IL1RAPL1: variants seen among roughly 807,000 people sequenced by gnomAD.
The protein encoded by IL1RAPL1 is interleukin-1 receptor accessory protein-like 1.
A neutral mutation model predicts 48.4 loss-of-function variants in IL1RAPL1; 3 were observed. The ratio of observed to expected loss-of-function variants is 0.06; its 90% CI spans 0.03 to 0.16. The LOEUF is 0.16. IL1RAPL1 is among the 10% of genes least tolerant of loss of function. The pLI, the probability that IL1RAPL1 is intolerant of heterozygous loss-of-function variation, is 1.00. For missense variants in IL1RAPL1, 349 were observed against 530.6 expected, an observed-to-expected ratio of 0.66 and a Z score of 3.36; for synonymous variants, 185 against 187.7, an observed-to-expected ratio of 0.99 and a Z score of 0.12.
At chrX:28,993,358 G>A (rs977927271) in intron 2 of IL1RAPL1, among the ~76,000 whole-genome samples, 6 of 111,777 alleles carry the variant, frequency 5.4e-5, no homozygotes, top group Admixed American at 9.6e-5. Context: ...CGCAATGACC[G>A]GTGAAGGAGC....
chrX:28,790,069 A>C (rs1192517601), intron 2 of IL1RAPL1, among the ~76,000 whole-genome samples: 7 of 112,226 alleles, frequency 6.2e-5, no homozygotes. Flanking sequence ...CAATTGAATA[A>C]ATACCATTAT....
At position 29,067,352 on chromosome X, in the gene IL1RAPL1, C is replaced by G. The variant is rs182335083; in HGVS notation, c.83-215586C>G. Among the ~76,000 whole-genome samples the G allele has an allele frequency of 3.9e-3, 437 of 112,270 alleles. 2 individuals are homozygous for G. Among genetic ancestry groups the G allele is most frequent in the African/African-American group, 0.013 (416 of 30,940 alleles). ...ACTGAGAAATAGCAAACTCTCAAAACAAAACATTAATGTGTTGGTGAAATG... is the reference window on the plus strand; with the variant it reads ...ACTGAGAAATAGCAAACTCTCAAAAGAAAACATTAATGTGTTGGTGAAATG... On this transcript the variant is annotated intron_variant, in intron 2 of 10. Coordinates refer to ENST00000378993, the MANE Select transcript of IL1RAPL1 (RefSeq NM_014271.4).
At chrX:28,723,805 A>T (rs866377158) in intron 1 of IL1RAPL1, among the ~76,000 whole-genome samples, 2 of 111,693 alleles carry the variant, frequency 1.8e-5, no homozygotes, top group Non-Finnish European at 3.8e-5. Flanking sequence ...CTTTGTTCTC[A>T]TTGGTTTCAA....
chrX:29,902,352 A>G, intron 6 of IL1RAPL1, among the ~76,000 whole-genome samples: 1 of 110,960 alleles, frequency 9.0e-6, no homozygotes, highest in Non-Finnish European at 1.9e-5. Context: ...GGTAGAAAAC[A>G]GCCATCAAGA....
At chrX:29,571,384 T>A (rs923043640) in intron 5 of IL1RAPL1, among the ~76,000 whole-genome samples, 1 of 111,443 alleles carries the variant, frequency 9.0e-6, no homozygotes, top group African/African-American at 3.3e-5. Flanking sequence ...ATAAACCTAA[T>A]GCCCTTTAGC....
intron 5 of IL1RAPL1, among the ~76,000 whole-genome samples, chrX:29,438,026 G>T (rs1934501623): frequency 9.0e-6 from 1 of 110,673 alleles, no homozygotes; most frequent in Non-Finnish European, 1.9e-5. Flanking sequence ...TTTTTTTGGA[G>T]TAGTGTTTTA....
At chrX:29,304,896 C>A (rs1932594524) in intron 3 of IL1RAPL1, among the ~76,000 whole-genome samples, 1 of 112,288 alleles carries the variant, frequency 8.9e-6, no homozygotes, top group Non-Finnish European at 1.9e-5. Flanking sequence ...TCAGGGCATG[C>A]ATGTGTACAA....
intron 2 of IL1RAPL1, among the ~76,000 whole-genome samples, chrX:28,933,199 A>G (rs1318580171): frequency 9.0e-6 from 1 of 111,667 alleles, no homozygotes; most frequent in African/African-American, 3.3e-5. Context: ...TTGGATTTAT[A>G]CATTTTAATT....
intron 5 of IL1RAPL1, among the ~76,000 whole-genome samples, chrX:29,656,127 CAGTT>C (rs1287797392): frequency 2.7e-5 from 3 of 112,376 alleles, no homozygotes; most frequent in Admixed American, 9.4e-5. Context: ...TATTTATTGA[CAGTT>C]ACCAAAAAAA....
chrX:28,591,316 T>C (rs1933905359), intron 1 of IL1RAPL1, among the ~76,000 whole-genome samples: 1 of 112,292 alleles, frequency 8.9e-6, no homozygotes, highest in Non-Finnish European at 1.9e-5. Context: ...GTTTGCAACA[T>C]ATGTGAACAA....
At chrX:29,608,306 A>G (rs9969869) in intron 5 of IL1RAPL1, among the ~76,000 whole-genome samples, 42,418 of 109,227 alleles carry the variant, frequency 0.39, 6,375 homozygotes, top group South Asian at 0.56. Flanking sequence ...AGGGAAGCCC[A>G]TTGCTTTAGC....
chrX:28,731,420 C>T (rs1338089935), intron 1 of IL1RAPL1, among the ~76,000 whole-genome samples: 1 of 111,740 alleles, frequency 8.9e-6, no homozygotes, highest in East Asian at 2.8e-4. Flanking sequence ...ATGATAACTT[C>T]TCCCCACTTT....
chrX:29,195,707 G>A (rs1930430416), intron 2 of IL1RAPL1, among the ~76,000 whole-genome samples: 1 of 109,150 alleles, frequency 9.2e-6, no homozygotes, highest in African/African-American at 3.3e-5. Context: ...TTACAGACAT[G>A]CGCTACCACG....
intron 3 of IL1RAPL1, among the ~76,000 whole-genome samples, chrX:29,294,023 G>A (rs911964865): frequency 1.3e-4 from 14 of 107,767 alleles, no homozygotes; most frequent in African/African-American, 3.4e-4. Flanking sequence ...CTAATTTTGT[G>A]TGTGGTCCTA....
chrX:29,799,020 G>C (rs1381106846), intron 6 of IL1RAPL1, among the ~76,000 whole-genome samples: 1 of 111,677 alleles, frequency 9.0e-6, no homozygotes, highest in Non-Finnish European at 1.9e-5. Flanking sequence ...GTTGTTGTTA[G>C]ACGTAAGATA....
chrX:29,041,041 A>G (rs1212047295), intron 2 of IL1RAPL1, among the ~76,000 whole-genome samples: 3 of 112,235 alleles, frequency 2.7e-5, no homozygotes, highest in African/African-American at 9.7e-5. Context: ...ATTCTAACCA[A>G]GAGTGTATGA....
rs1932820245 is a variant in IL1RAPL1, at chrX:29,323,711, TTTTATATATATATATATATATATA to T, written c.362+40496_362+40519del. ...ACTACCTACCAACTCATACTGAATT[TTTTATATATATATATATATATATA>T]TATATATATATATATATATATATAT... On this transcript the variant is annotated intron_variant, in intron 3 of 10. Coordinates refer to ENST00000378993, the MANE Select transcript of IL1RAPL1 (RefSeq NM_014271.4). Among the ~76,000 whole-genome samples, 14 of 12,768 alleles carry T rather than the reference TTTTATATATATATATATATATATA, an allele frequency of 1.1e-3. 1 individual carries two copies. Among genetic ancestry groups the T allele is most frequent in the African/African-American group, 2.2e-3 (8 of 3,590 alleles). 11.1% of individuals were successfully genotyped at this position (12,768 alleles called of 115,157 possible).
chrX:28,627,300 A>G (rs911657721), intron 1 of IL1RAPL1, among the ~76,000 whole-genome samples: 23 of 111,595 alleles, frequency 2.1e-4, no homozygotes, highest in African/African-American at 6.5e-4. Context: ...AGTCTTGAAA[A>G]CCCAACTTTT....
intron 6 of IL1RAPL1, among the ~76,000 whole-genome samples, chrX:29,857,641 G>A (rs1451082628): frequency 1.8e-5 from 2 of 111,726 alleles, no homozygotes; most frequent in Non-Finnish European, 3.8e-5. Context: ...CCCTTTTAGG[G>A]TCTTCAGCTG....
Sources: gnomAD v4.1 joint callset for allele counts (sites outside exome capture counted in the v4.1 genomes callset) on GRCh38, gnomAD v4.1.1 for gene constraint, MANE v1.5 for transcripts, NCBI Gene and HGNC (gene_info 2026-07-23, HGNC 2026-07-21) for gene names.